PRRT3: variants seen among roughly 807,000 people sequenced by gnomAD.
PRRT3 encodes proline-rich transmembrane protein 3.
In PRRT3, 48 loss-of-function variants were observed where a neutral mutation model predicts 56.6. The ratio of observed to expected loss-of-function variants is 0.85; its 90% CI spans 0.67 to 1.08. The LOEUF (loss-of-function observed/expected upper bound fraction) is 1.08, where lower values mean the gene tolerates loss of function less well. Among genes scored for constraint, PRRT3 ranks in the 50% least tolerant of loss-of-function variants. The pLI, the probability that PRRT3 is intolerant of heterozygous loss-of-function variation, is 0.00. For synonymous variants in PRRT3, 641 were observed against 619.1 expected, an observed-to-expected ratio of 1.04 and a Z score of -0.52; for missense variants, 1,370 against 1,353.1, an observed-to-expected ratio of 1.01 and a Z score of -0.20.
intron 3 of PRRT3, chr3:9,948,257 C>T: frequency 2.6e-6 from 1 of 381,780 alleles, no homozygotes; most frequent in Non-Finnish European, 4.6e-6. Context: ...CAGTTCGACA[C>T]ATGGGCTGCA....
Position 9,947,543 on chromosome 3 carries a change from G to GCAGGTTGTA in PRRT3, c.1621_1629dup (p.Tyr541_Leu543dup), listed in dbSNP as rs1488155320. ...AGCGCCGTAAGCAGCAAGGGGAAGGGCAGGTTGTAGAGCACCAGGCCCCCG... is the reference window on the plus strand; with the variant it reads ...AGCGCCGTAAGCAGCAAGGGGAAGGGCAGGTTGTACAGGTTGTAGAGCACCAGGCCCCCG... On this transcript the variant is annotated inframe_insertion, in exon 4 of 4. Coordinates refer to ENST00000412055, the MANE Select transcript of PRRT3 (RefSeq NM_207351.5). The surrounding 1 kb of genome is among the most constrained non-coding windows in gnomAD (Gnocchi z 9.2). 15 of 1,611,118 alleles carry GCAGGTTGTA rather than the reference G, an allele frequency of 9.3e-6. No homozygotes were observed. The highest frequency in any genetic ancestry group is 1.3e-5 in the Non-Finnish European group (15 of 1,179,358).
chr3:9,946,925 T>C lies in PRRT3; in HGVS notation c.2248A>G (p.Ile750Val), dbSNP rs2124876858. 1.9e-6 allele frequency: 3 copies of C among 1,540,490 alleles called. No individual in the cohort carries two copies. The highest frequency in any genetic ancestry group is 1.2e-5 in the South Asian group (1 of 84,438). Residue 750 changes from isoleucine to valine, a missense_variant, in exon 4 of 4, where the codon ATC (isoleucine) becomes GTC (valine). Coordinates refer to ENST00000412055, the MANE Select transcript of PRRT3 (RefSeq NM_207351.5). This position sits in a 1 kb window ranked among gnomAD's most constrained non-coding sequence, Gnocchi z 4.1. ...PSNVGAGSLD[I>V]SKSLIRNPAE... ...GGGTTGCGGATGAGGCTCTTGCTGATGTCCAAGCTGCCTGCACCAACGTTG... is the reference window on the plus strand; with the variant it reads ...GGGTTGCGGATGAGGCTCTTGCTGACGTCCAAGCTGCCTGCACCAACGTTG...
In PRRT3 at chr3:9,949,296, A is replaced by G. The variant is rs1196295815; in HGVS notation, c.820T>C (p.Leu274=). The part of the protein sequence containing the change: ...QEPGAQPDLA[L]ARSLPPAEEL... ...TCAGCAGGAGGAAGGCTTCTGGCCA[A>G]TGCCAAGTCTGGCTGGGCCCCTGGC... is the stretch of plus-strand genomic sequence containing the variant. Residue 274 remains leucine (L), a synonymous_variant, in exon 2 of 4, where the codon TTG becomes CTG. Transcript: ENST00000412055. The surrounding 1 kb of genome is among the most constrained non-coding windows in gnomAD (Gnocchi z 4.5). The G allele has an allele frequency of 3.7e-6, 6 of 1,612,354 alleles. No individual in the cohort carries two copies. Among genetic ancestry groups the G allele is most frequent in the Admixed American group, 1.7e-5 (1 of 59,954 alleles).
At chr3:9,951,467 G>T (rs1183615778) in intron 1 of PRRT3, among the ~76,000 whole-genome samples, 1 of 152,176 alleles carries the variant, frequency 6.6e-6, no homozygotes, top group African/African-American at 2.4e-5. Flanking sequence ...AATTTCAAGG[G>T]GTTCAAAGAC....
chr3:9,946,141 G>A lies in PRRT3; in HGVS notation c.*86C>T. On this transcript the variant is annotated 3_prime_UTR_variant, in exon 4 of 4. Transcript: ENST00000412055. The surrounding 1 kb of genome is among the most constrained non-coding windows in gnomAD (Gnocchi z 4.1). ...GTGAGCCACCGCGCCTGGCCAGGAT[G>A]CCCATTTTTTAAAGGCTCAACTGTC... 1.3e-6 allele frequency: 2 copies of A among 1,493,596 alleles called. No homozygotes were observed. The highest frequency in any genetic ancestry group is 8.9e-7 in the Non-Finnish European group (1 of 1,120,690). The allele number at this position is 1,493,596 out of a possible 1,614,324, so 92.5% of individuals were successfully genotyped here.
chr3:9,946,835 G>A lies in PRRT3; in HGVS notation c.2338C>T (p.Arg780Cys). 6.5e-7 allele frequency: 1 copy of A among 1,540,430 alleles called. No homozygotes were observed. The highest frequency in any genetic ancestry group is 8.7e-7 in the Non-Finnish European group (1 of 1,149,338). ...GAWGSAASLG[R>C]GPQGGPGLSR... ...AGTCCCGGGCCACCCTGGGGTCCGC[G>A]ACCCAACGACGCAGCCGAGCCCCAG... Residue 780 changes from arginine to cysteine, a missense_variant, in exon 4 of 4, where the codon CGC becomes TGC. By Grantham distance (180) the Arg-to-Cys change is radical. Coordinates refer to ENST00000412055, the MANE Select transcript of PRRT3 (RefSeq NM_207351.5). The surrounding 1 kb of genome is among the most constrained non-coding windows in gnomAD (Gnocchi z 4.1).
Position 9,946,750 on chromosome 3 carries a change from G to A in PRRT3, c.2423C>T (p.Ser808Leu). 3 of 1,530,716 alleles carry A rather than the reference G, an allele frequency of 2.0e-6. No individual in the cohort carries two copies. Among genetic ancestry groups the A allele is most frequent in the Admixed American group, 2.0e-5 (1 of 50,680 alleles). 94.8% of individuals were successfully genotyped at this position (1,530,716 alleles called of 1,614,324 possible). A position where few individuals can be genotyped will look rare whatever the true frequency, so the allele number is the denominator to read the frequency against. Residue 808 changes from serine to leucine, a missense_variant, in exon 4 of 4, where the codon TCG becomes TTG. Physicochemically the swap from Ser to Leu is moderately radical, Grantham distance 145 (BLOSUM62 -2). Transcript: ENST00000412055. The surrounding 1 kb of genome is among the most constrained non-coding windows in gnomAD (Gnocchi z 4.1). ...SLSELDLRPP[S>L]PINLSRSIDA... ...GATGCTGCGGCTCAGGTTGATGGGCGATGGCGGCCGCAGATCCAGCTCGCT... is the reference window on the plus strand; with the variant it reads ...GATGCTGCGGCTCAGGTTGATGGGCAATGGCGGCCGCAGATCCAGCTCGCT...
chr3:9,946,588 T>A lies in PRRT3; in HGVS notation c.2585A>T (p.Asp862Val), dbSNP rs1391363220. The change falls in exon 4 of 4, where the codon GAC becomes GTC. Residue 862 changes from aspartate (D) to valine (V), a missense_variant. By Grantham distance (152) the Asp-to-Val change is radical (BLOSUM62 -3). Transcript: ENST00000412055. The surrounding 1 kb of genome is among the most constrained non-coding windows in gnomAD (Gnocchi z 4.1). Reference sequence around the variant, plus strand: ...GCCGCGGAGGAGCGAGGAGCCAGCGTCGTCGAGCTCGGCTTTGGGATGGCT... The same window carrying A: ...GCCGCGGAGGAGCGAGGAGCCAGCGACGTCGAGCTCGGCTTTGGGATGGCT... Reference protein sequence around the residue: ...RGSHPKAELDDAGSSLLRGRC... With the variant: ...RGSHPKAELDVAGSSLLRGRC... 25 of 1,401,970 alleles carry A rather than the reference T, an allele frequency of 1.8e-5. No individual in the cohort carries two copies. The highest frequency in any genetic ancestry group is 2.0e-5 in the Non-Finnish European group (22 of 1,082,558). 86.8% of individuals were successfully genotyped at this position (1,401,970 alleles called of 1,614,324 possible).
At chr3:9,948,614 G>T in intron 3 of PRRT3, 144 bp downstream of exon 3, 1 of 871,712 alleles carries the variant, frequency 1.1e-6, no homozygotes, top group Non-Finnish European at 1.8e-6. Flanking sequence ...ATCCTAGGTT[G>T]TTTGAAGGAG....
rs1188912099 is a variant in PRRT3 at position 9,947,848 on chromosome 3, G to A, written c.1325C>T (p.Ala442Val). ...TGGGGGGCTGGAGGCTGGGGCTGAAGCCATGGAGCTGGCGGTGGGCTCCGG... is the reference window on the plus strand; with the variant it reads ...TGGGGGGCTGGAGGCTGGGGCTGAAACCATGGAGCTGGCGGTGGGCTCCGG... ...PPPEPTASSM[A>V]SAPASSPPAN... Residue 442 changes from alanine (A) to valine (V), a missense_variant, in exon 4 of 4, where the codon GCT becomes GTT. Coordinates refer to ENST00000412055, the MANE Select transcript of PRRT3 (RefSeq NM_207351.5). This position sits in a 1 kb window ranked among gnomAD's most constrained non-coding sequence, Gnocchi z 9.2. 1 of 1,432,536 alleles carries A rather than the reference G, an allele frequency of 7.0e-7. No homozygotes were observed. The highest frequency in any genetic ancestry group is 9.2e-7 in the Non-Finnish European group (1 of 1,092,718). The allele number at this position is 1,432,536 out of a possible 1,614,324, so 88.7% of individuals were successfully genotyped here.
rs1390330897 is a variant in PRRT3, at chr3:9,950,769, C to A, written c.-57-597G>T. On this transcript the variant is annotated intron_variant, in intron 1 of 3. Coordinates refer to ENST00000412055, the MANE Select transcript of PRRT3 (RefSeq NM_207351.5). ...CTGCCCATCTTGGCCTCCTAAAGTG[C>A]TGGGATTACAGGCATGAGCCACTGC... Among the ~76,000 whole-genome samples the A allele has an allele frequency of 2.6e-5, 4 of 152,190 alleles. No homozygotes were observed. In the East Asian group the frequency reaches 5.8e-4, roughly 22 times the overall value.
chr3:9,946,429 C>T lies in PRRT3; in HGVS notation c.2744G>A (p.Ser915Asn), dbSNP rs1052458614. The change falls in exon 4 of 4, where the codon AGT becomes AAT. Residue 915 changes from serine to asparagine, a missense_variant. By Grantham distance (46) the Ser-to-Asn change is conservative. Coordinates refer to ENST00000412055, the MANE Select transcript of PRRT3 (RefSeq NM_207351.5). The surrounding 1 kb of genome is among the most constrained non-coding windows in gnomAD (Gnocchi z 4.1). ...DSFSRGSLKI[S>N]WNPWRHGLSS... ...CAGCCCGTGGCGCCAGGGGTTCCAACTGATCTTGAGTGAACCCCTGGAGAA... is the reference window on the plus strand; with the variant it reads ...CAGCCCGTGGCGCCAGGGGTTCCAATTGATCTTGAGTGAACCCCTGGAGAA... The T allele has an allele frequency of 6.2e-7, 1 of 1,600,830 alleles. No individual in the cohort carries two copies. The highest frequency in any genetic ancestry group is 2.3e-5 in the East Asian group (1 of 44,078).
At position 9,952,126 on chromosome 3, in the gene PRRT3, G is replaced by A. The variant is rs923004251; in HGVS notation, c.-58+196C>T. Among the ~76,000 whole-genome samples, 8 of 152,206 alleles carry A rather than the reference G, an allele frequency of 5.3e-5. No individual in the cohort carries two copies. The South Asian group carries it at 1.7e-3, about 32-fold the overall frequency. On this transcript the variant is annotated intron_variant, in intron 1 of 3. Coordinates refer to ENST00000412055, the MANE Select transcript of PRRT3 (RefSeq NM_207351.5). ...CCGTTGCGGGGCAGCCTCGGAGCTG[G>A]TCCATCTCGGGTTACCTCTCCTCCT...
rs1289478644 is a variant in PRRT3, at chr3:9,946,906, C to G, written c.2267G>C (p.Arg756Pro). ...CAGCTGCCCACTCTCCGCCGGGTTG[C>G]GGATGAGGCTCTTGCTGATGTCCAA... ...GSLDISKSLI[R>P]NPAESGQLAT... The change falls in exon 4 of 4, where the codon CGC becomes CCC. Residue 756 changes from arginine (R) to proline (P), a missense_variant. Coordinates refer to ENST00000412055, the MANE Select transcript of PRRT3 (RefSeq NM_207351.5). The surrounding 1 kb of genome is among the most constrained non-coding windows in gnomAD (Gnocchi z 4.1). The G allele has an allele frequency of 4.5e-6, 7 of 1,539,206 alleles. No individual in the cohort carries two copies. The highest frequency in any genetic ancestry group is 6.1e-6 in the Non-Finnish European group (7 of 1,148,118).
chr3:9,951,499 C>T (rs1433588540), intron 1 of PRRT3, among the ~76,000 whole-genome samples: 1 of 152,232 alleles, frequency 6.6e-6, no homozygotes, highest in Non-Finnish European at 1.5e-5. Flanking sequence ...ATCCTCCAAA[C>T]TCGAGTTTAG....
rs760457477 is a variant in PRRT3, at chr3:9,946,665, G to A, written c.2508C>T (p.Leu836=). ...VRDSVFQRCG[L]RGLASPPPGG... ...CAGGCGGCGGGGAGGCCAGGCCGCGGAGGCCGCAGCGCTGGAACACACTGT... is the reference window on the plus strand; with the variant it reads ...CAGGCGGCGGGGAGGCCAGGCCGCGAAGGCCGCAGCGCTGGAACACACTGT... Residue 836 remains leucine (L), a synonymous_variant, in exon 4 of 4, where the codon CTC becomes CTT. Transcript: ENST00000412055. This position sits in a 1 kb window ranked among gnomAD's most constrained non-coding sequence, Gnocchi z 4.1. The A allele has an allele frequency of 8.6e-5, 121 of 1,402,376 alleles. No individual in the cohort carries two copies. Among genetic ancestry groups the A allele is most frequent in the Non-Finnish European group, 1.1e-4 (119 of 1,088,628 alleles). 86.9% of individuals were successfully genotyped at this position (1,402,376 alleles called of 1,614,324 possible). A position where few individuals can be genotyped will look rare whatever the true frequency, so the allele number is the denominator to read the frequency against.
chr3:9,947,671 C>A lies in PRRT3; in HGVS notation c.1502G>T (p.Arg501Leu), dbSNP rs779355483. ...CAGCACCGCGGCCACCAATGCCAGC[C>A]GGGGCCCTGCTGGGGCGGCTGCCAG... ...AALAAAPAGP[R>L]LALVAAVLVL... Residue 501 changes from arginine (R) to leucine (L), a missense_variant, in exon 4 of 4, where the codon CGG becomes CTG. By Grantham distance (102) the Arg-to-Leu change is moderately radical (BLOSUM62 -2). Coordinates refer to ENST00000412055, the MANE Select transcript of PRRT3 (RefSeq NM_207351.5). The surrounding 1 kb of genome is among the most constrained non-coding windows in gnomAD (Gnocchi z 9.2). 2 of 1,567,702 alleles carry A rather than the reference C, an allele frequency of 1.3e-6. No homozygotes were observed. The highest frequency in any genetic ancestry group is 1.2e-5 in the South Asian group (1 of 85,038).
At position 9,949,605 on chromosome 3, in the gene PRRT3, A is replaced by C; in HGVS notation, c.511T>G (p.Ser171Ala). ...RQLRVATVPP[S>A]LQHEGQEGQW... ...CCCTCTTGGCCTTCATGCTGCAGGG[A>C]GGGAGGAACTGTGGCTACCCTGAGT... Residue 171 changes from serine (S) to alanine (A), a missense_variant, in exon 2 of 4, where the codon TCC (serine) becomes GCC (alanine). Physicochemically the swap from Ser to Ala is moderately conservative, Grantham distance 99. Coordinates refer to ENST00000412055, the MANE Select transcript of PRRT3 (RefSeq NM_207351.5). This position sits in a 1 kb window ranked among gnomAD's most constrained non-coding sequence, Gnocchi z 4.5. 1 of 1,613,984 alleles carries C rather than the reference A, an allele frequency of 6.2e-7. No individual in the cohort carries two copies.
Position 9,946,828 on chromosome 3 carries a change from G to T in PRRT3, c.2345C>A (p.Pro782His). Residue 782 changes from proline to histidine, a missense_variant, in exon 4 of 4, where the codon CCC (proline) becomes CAC (histidine). By Grantham distance (77) the Pro-to-His change is moderately conservative. Transcript: ENST00000412055. This position sits in a 1 kb window ranked among gnomAD's most constrained non-coding sequence, Gnocchi z 4.1. ...WGSAASLGRG[P>H]QGGPGLSRNG... ...GCGGGACAGTCCCGGGCCACCCTGG[G>T]GTCCGCGACCCAACGACGCAGCCGA... 6.5e-7 allele frequency: 1 copy of T among 1,542,074 alleles called. No homozygotes were observed. Among genetic ancestry groups the T allele is most frequent in the South Asian group, 1.2e-5 (1 of 84,386 alleles).
Sources: gnomAD v4.1 joint callset for allele counts (sites outside exome capture counted in the v4.1 genomes callset) on GRCh38, gnomAD v4.1.1 for gene constraint, Gnocchi (gnomAD v3.1) non-coding constraint, MANE v1.5 for transcripts, NCBI Gene and HGNC (gene_info 2026-07-23, HGNC 2026-07-21) for gene names.